Variants in SLC45A2 observed in about 807,000 individuals in gnomAD.
SLC45A2 encodes membrane-associated transporter protein.
A neutral mutation model predicts 45.5 loss-of-function variants in SLC45A2; 36 were observed. The ratio of observed to expected loss-of-function variants is 0.79; its 90% CI spans 0.61 to 1.04. The LOEUF is 1.04. Among genes scored for constraint, SLC45A2 ranks in the 50% least tolerant of loss-of-function variants. The pLI is 0.00. For missense variants in SLC45A2, 719 were observed against 671.0 expected, an observed-to-expected ratio of 1.07 and a Z score of -0.79; for synonymous variants, 306 against 269.3, an observed-to-expected ratio of 1.14 and a Z score of -1.33.
chr5:33,966,006 T>C (rs1355448716), intron 2 of SLC45A2, among the ~76,000 whole-genome samples: 1 of 152,240 alleles, frequency 6.6e-6, no homozygotes, highest in Non-Finnish European at 1.5e-5. Context: ...CAATTTCTTA[T>C]CACTTATGCC....
chr5:33,955,012 C>T lies in SLC45A2; in HGVS notation c.889-508G>A, dbSNP rs2877343. On this transcript the variant is annotated intron_variant, in intron 3 of 6. Coordinates refer to ENST00000296589, the MANE Select transcript of SLC45A2 (RefSeq NM_016180.5). ...TATATTAATAATTAAGGTTATTAAT[C>T]GCTCACTTTGAGTTAATTGAAAGGG... Among the ~76,000 whole-genome samples, 951 of 152,250 alleles carry T rather than the reference C, an allele frequency of 6.2e-3. 31 individuals carry two copies. The highest frequency in any genetic ancestry group is 0.043 in the East Asian group (225 of 5,184).
chr5:33,982,461 C>T (rs1220790692), intron 1 of SLC45A2, 49 bp from the exon 2 acceptor site: 3 of 1,580,582 alleles, frequency 1.9e-6, no homozygotes, highest in East Asian at 2.3e-5. Context: ...TTAGAATCAT[C>T]CGCGTTTTGT....
rs1043214684 is a variant in SLC45A2, at chr5:33,945,916, A to C, written c.1369-1044T>G. ...AAAATGCCGGAAAGATTAACAAAAA[A>C]CTAGTAAGAGTGGTAACACGTTGGG... is the stretch of plus-strand genomic sequence containing the variant. On this transcript the variant is annotated intron_variant, in intron 6 of 6. Transcript: ENST00000296589. 5.2e-6 allele frequency: 5 copies of C among 962,470 alleles called. No homozygotes were observed. In the African/African-American group the frequency reaches 8.8e-5, roughly 17 times the overall value. 59.6% of individuals were successfully genotyped at this position (962,470 alleles called of 1,614,324 possible).
At chr5:33,970,302 TAGTC>T (rs931502877) in intron 2 of SLC45A2, among the ~76,000 whole-genome samples, 3 of 152,224 alleles carry the variant, frequency 2.0e-5, no homozygotes, top group African/African-American at 7.2e-5. Context: ...GTACCACCCT[TAGTC>T]AGTCAGTACA....
In SLC45A2 at chr5:33,944,789, C is replaced by A; in HGVS notation, c.1452G>T (p.Gln484His). 6.2e-7 allele frequency: 1 copy of A among 1,614,226 alleles called. No individual in the cohort carries two copies. The highest frequency in any genetic ancestry group is 1.3e-5 in the African/African-American group (1 of 75,068). ...MDCATLTCMV[Q>H]LAQILVGGGL... ...CACCTCCGACCAGGATCTGAGCCAG[C>A]TGCACCATGCATGTGAGGGTGGCGC... The change falls in exon 7 of 7, where the codon CAG (glutamine) becomes CAT (histidine). Residue 484 changes from glutamine to histidine, a missense_variant. Physicochemically the swap from Gln to His is conservative, Grantham distance 24. Coordinates refer to ENST00000296589, the MANE Select transcript of SLC45A2 (RefSeq NM_016180.5).
At chr5:33,959,954 T>C (rs1236707220) in intron 3 of SLC45A2, among the ~76,000 whole-genome samples, 1 of 152,112 alleles carries the variant, frequency 6.6e-6, no homozygotes, top group African/African-American at 2.4e-5. Flanking sequence ...CATAACTGTA[T>C]ACAAAAAAAT....
chr5:33,974,968 G>A (rs925335127), intron 2 of SLC45A2, among the ~76,000 whole-genome samples: 3 of 150,020 alleles, frequency 2.0e-5, no homozygotes, highest in African/African-American at 7.6e-5. Flanking sequence ...AGATATTTAC[G>A]AATAATGTCG....
chr5:33,960,351 T>G (rs1752414620), intron 3 of SLC45A2, among the ~76,000 whole-genome samples: 3 of 152,182 alleles, frequency 2.0e-5, no homozygotes, highest in African/African-American at 7.2e-5. Context: ...TGGTTCCACG[T>G]TTTTGCAATT....
At chr5:33,964,168 AAC>A in intron 2 of SLC45A2, 152 bp from the exon 3 acceptor site, 2 of 821,008 alleles carry the variant, frequency 2.4e-6, no homozygotes, top group East Asian at 5.3e-5. Context: ...GAGGCTGAAA[AAC>A]ACACAGCCAG....
chr5:33,974,836 A>G (rs1752878325), intron 2 of SLC45A2, among the ~76,000 whole-genome samples: 1 of 152,222 alleles, frequency 6.6e-6, no homozygotes, highest in South Asian at 2.1e-4. Flanking sequence ...AACATTTTAA[A>G]TAGTATGGGT....
intron 2 of SLC45A2, among the ~76,000 whole-genome samples, chr5:33,980,233 A>G (rs1753035892): frequency 6.6e-6 from 1 of 150,854 alleles, no homozygotes. Context: ...CAATCAGTGG[A>G]CTTCAGGTAA....
intron 2 of SLC45A2, chr5:33,972,044 G>C (rs764065097): frequency 2.1e-6 from 1 of 475,754 alleles, no homozygotes; most frequent in South Asian, 1.5e-5. Flanking sequence ...ACCTGGCCAG[G>C]ACTGCAATTT....
intron 2 of SLC45A2, among the ~76,000 whole-genome samples, chr5:33,969,572 T>C (rs1054810791): frequency 6.6e-6 from 1 of 152,220 alleles, no homozygotes; most frequent in Non-Finnish European, 1.5e-5. Context: ...GAATGGTTTG[T>C]CTTGCTTCAG....
chr5:33,963,674 A>C lies in SLC45A2; in HGVS notation c.888+17T>G. 6.2e-7 allele frequency: 1 copy of C among 1,612,674 alleles called. No homozygotes were observed. The highest frequency in any genetic ancestry group is 8.5e-7 in the Non-Finnish European group (1 of 1,178,960). On this transcript the variant is annotated intron_variant, in intron 3 of 6. Coordinates refer to ENST00000296589, the MANE Select transcript of SLC45A2 (RefSeq NM_016180.5). The stretch of plus-strand genomic sequence containing the variant: ...AAGAATATTTTCCCTTGTAAAGAAA[A>C]AATGTTGCATCTTTACCTGTTCAGC...
chr5:33,982,476 T>C, intron 1 of SLC45A2, 64 bp from the exon 2 acceptor site: 1 of 1,513,840 alleles, frequency 6.6e-7, no homozygotes, highest in Non-Finnish European at 9.1e-7. Context: ...TTTTGTAATT[T>C]CCACCTAAAC....
chr5:33,961,777 C>T lies in SLC45A2; in HGVS notation c.888+1914G>A, dbSNP rs190668395. ...CCTGTTCCTGCCAAGGAACTCTGTTCCTGTACCTGTTCCTGCCAAAGTTAC... is the reference window on the plus strand; with the variant it reads ...CCTGTTCCTGCCAAGGAACTCTGTTTCTGTACCTGTTCCTGCCAAAGTTAC... On this transcript the variant is annotated intron_variant, in intron 3 of 6. Transcript: ENST00000296589. Among the ~76,000 whole-genome samples the T allele has an allele frequency of 2.6e-5, 4 of 152,300 alleles. No homozygotes were observed. In the East Asian group the frequency reaches 7.7e-4, roughly 29 times the overall value.
Position 33,984,651 on chromosome 5 carries a change from A to G in SLC45A2, c.-68T>C. The G allele has an allele frequency of 6.3e-7, 1 of 1,596,922 alleles. No individual in the cohort carries two copies. The highest frequency in any genetic ancestry group is 1.1e-5 in the South Asian group (1 of 90,736). On this transcript the variant is annotated 5_prime_UTR_variant, in exon 1 of 7. Coordinates refer to ENST00000296589, the MANE Select transcript of SLC45A2 (RefSeq NM_016180.5). ...GCGTGGTCCTAGGGTCTGTGTTTCA[A>G]ACTGGATTTGACGTGGAGCCTGGCC...
intron 2 of SLC45A2, among the ~76,000 whole-genome samples, chr5:33,977,513 G>A (rs1309554695): frequency 6.6e-6 from 1 of 152,226 alleles, no homozygotes; most frequent in East Asian, 1.9e-4. Context: ...AGAGAATGAG[G>A]GCCCTTGTTC....
intron 2 of SLC45A2, among the ~76,000 whole-genome samples, chr5:33,977,161 C>A (rs1010947714): frequency 1.3e-5 from 2 of 152,208 alleles, no homozygotes; most frequent in African/African-American, 4.8e-5. Flanking sequence ...AGCAAGAAGG[C>A]GGCTGTCTGC....
Sources: allele counts gnomAD v4.1 joint callset (sites outside exome capture counted in the v4.1 genomes callset), GRCh38; gene constraint gnomAD v4.1.1; transcripts MANE v1.5; gene names NCBI Gene and HGNC (gene_info 2026-07-23, HGNC 2026-07-21).